The following ADAMTS20 variants were observed in gnomAD, a reference collection of about 807,000 sequenced individuals.
ADAMTS20 encodes A disintegrin and metalloproteinase with thrombospondin motifs 20.
ADAMTS20 carries 225 observed loss-of-function variants against 260.1 expected under a neutral mutation model. The observed-to-expected ratio is 0.87, with a 90% CI of 0.78 to 0.97. The LOEUF is 0.97. Among genes scored for constraint, ADAMTS20 ranks in the 50% least tolerant of loss-of-function variants. The pLI is 0.00. For missense variants in ADAMTS20, 2,400 were observed against 2,337.7 expected, an observed-to-expected ratio of 1.03 and a Z score of -0.55; for synonymous variants, 802 against 769.5, an observed-to-expected ratio of 1.04 and a Z score of -0.70.
intron 3 of ADAMTS20, among the ~76,000 whole-genome samples, chr12:43,517,095 C>T (rs887294931): frequency 9.9e-5 from 15 of 151,722 alleles, no homozygotes; most frequent in African/African-American, 2.4e-4. Context: ...TAAGAAAAAC[C>T]GACAACAAAC....
intron 12 of ADAMTS20, among the ~76,000 whole-genome samples, chr12:43,453,355 C>A (rs1035590372): frequency 6.6e-6 from 1 of 152,144 alleles, no homozygotes; most frequent in Non-Finnish European, 1.5e-5. Context: ...ACAACAAAAA[C>A]ATTAATTTAA....
intron 28 of ADAMTS20, chr12:43,422,722 C>T (rs1481543288): frequency 6.6e-6 from 1 of 151,850 alleles, no homozygotes; most frequent in East Asian, 1.9e-4. Context: ...TCAATGAATT[C>T]CTTTTGGGAT....
intron 7 of ADAMTS20, among the ~76,000 whole-genome samples, chr12:43,472,212 G>A (rs1217202863): frequency 5.3e-5 from 8 of 150,758 alleles, no homozygotes; most frequent in Admixed American, 1.3e-4. Context: ...GAGCCGATGC[G>A]ATCAACTGGA....
intron 3 of ADAMTS20, among the ~76,000 whole-genome samples, chr12:43,521,658 A>G (rs886440148): frequency 5.9e-4 from 90 of 152,212 alleles, no homozygotes; most frequent in African/African-American, 2.1e-3. Flanking sequence ...AAAGCAAATT[A>G]TATAATATCT....
chr12:43,501,481 G>GCGCGCGCACACACACACACA (rs373746834), intron 4 of ADAMTS20, among the ~76,000 whole-genome samples: 103 of 117,834 alleles, frequency 8.7e-4, no homozygotes, highest in South Asian at 1.3e-3. Flanking sequence ...GCGCGCGCGC[G>GCGCGCGCACACACACACACA]CACACACACA....
At chr12:43,485,001 C>T (rs1209559569) in intron 7 of ADAMTS20, among the ~76,000 whole-genome samples, 2 of 149,470 alleles carry the variant, frequency 1.3e-5, no homozygotes, top group Non-Finnish European at 3.0e-5. Flanking sequence ...ATCAATTCTA[C>T]TAAAACTGTT....
At position 43,439,702 on chromosome 12, in the gene ADAMTS20, T is replaced by C. The variant is rs753419164; in HGVS notation, c.2513A>G (p.Asn838Ser). Reference sequence around the variant, plus strand: ...GTCACTCCTCTCTTCCAAAGGGATATTGAAGGAATAATGTACATCAGGGTT... The same window carrying C: ...GTCACTCCTCTCTTCCAAAGGGATACTGAAGGAATAATGTACATCAGGGTT... ...LYNPDVHYSF[N>S]IPLEERSDMF... Residue 838 changes from asparagine (N) to serine (S), a missense_variant, in exon 18 of 39, where the codon AAT (asparagine) becomes AGT (serine). Physicochemically the swap from Asn to Ser is conservative, Grantham distance 46. Transcript: ENST00000389420. The C allele has an allele frequency of 1.2e-6, 2 of 1,613,794 alleles. No homozygotes were observed. The highest frequency in any genetic ancestry group is 2.2e-5 in the South Asian group (2 of 91,064).
chr12:43,410,324 T>C lies in ADAMTS20; in HGVS notation c.4285-11091A>G, dbSNP rs975565381. ...GAAGGAGTCCAAAACAGAGGAAATA[T>C]CTGAGCATTTAGAAAAACCATTCAT... is the stretch of plus-strand genomic sequence containing the variant. On this transcript the variant is annotated intron_variant, in intron 28 of 38. Transcript: ENST00000389420. 3.6e-4 allele frequency among the ~76,000 whole-genome samples: 54 copies of C among 152,064 alleles called. 1 individual carries two copies. The highest frequency in any genetic ancestry group is 3.7e-4 in the Non-Finnish European group (25 of 68,014).
chr12:43,440,568 T>A (rs1273498691), intron 16 of ADAMTS20, among the ~76,000 whole-genome samples: 3 of 152,246 alleles, frequency 2.0e-5, no homozygotes. Context: ...GTTAGGTAAC[T>A]TCAGCACATC....
intron 18 of ADAMTS20, 114 bp downstream of exon 18, chr12:43,439,508 G>A: frequency 8.3e-7 from 1 of 1,210,172 alleles, no homozygotes. Context: ...TATGTCTGTG[G>A]GATATGTGTA....
intron 18 of ADAMTS20, among the ~76,000 whole-genome samples, chr12:43,436,553 C>A (rs1941559660): frequency 6.6e-6 from 1 of 151,784 alleles, no homozygotes; most frequent in Non-Finnish European, 1.5e-5. Flanking sequence ...TTTTTTCATT[C>A]TAAGTCTTCC....
intron 16 of ADAMTS20, among the ~76,000 whole-genome samples, chr12:43,440,880 C>CAG (rs1941650859): frequency 6.6e-6 from 1 of 152,060 alleles, no homozygotes; most frequent in African/African-American, 2.4e-5. Flanking sequence ...CTGGCTAACA[C>CAG]AGTGAAACCC....
In ADAMTS20 at chr12:43,432,638, CA is replaced by C. The variant is rs753317116; in HGVS notation, c.2893del (p.Cys965ValfsTer30). 6.2e-7 allele frequency: 1 copy of C among 1,613,934 alleles called. No individual in the cohort carries two copies. On this transcript the variant is annotated frameshift_variant, in exon 20 of 39. Coordinates refer to ENST00000389420, the MANE Select transcript of ADAMTS20 (RefSeq NM_025003.5). LOFTEE classifies it high-confidence loss of function. ...TGAATAATGCCATCTTGTGAAGACA[CA>C]GTTACCATGGCATAGTTCTTGGGTA... is the stretch of plus-strand genomic sequence containing the variant. ...PPTQELCHGN[C>X]VFTRWHYSEW...
At position 43,428,682 on chromosome 12, in the gene ADAMTS20, C is replaced by A. The variant is rs146789743; in HGVS notation, c.3607G>T (p.Asp1203Tyr). The A allele has an allele frequency of 6.0e-5, 97 of 1,610,646 alleles. No individual in the cohort carries two copies. In the African/African-American group the frequency reaches 1.3e-3, roughly 21 times the overall value. ...CACTCTCCACAAGGGGTAAAACAGT[C>A]CCATATTTCAGCAGGTCGGGGTAAG... ...AHLPRPAEIWDCFTPCGEWQA... is the reference protein window; with the variant it reads ...AHLPRPAEIWYCFTPCGEWQA... The change falls in exon 25 of 39, where the codon GAC becomes TAC. Residue 1203 changes from aspartate (D) to tyrosine (Y), a missense_variant. Physicochemically the swap from Asp to Tyr is radical, Grantham distance 160. Transcript: ENST00000389420.
At chr12:43,454,126 C>T (rs11182086) in intron 11 of ADAMTS20, 74 bp from the exon 12 acceptor site, 134,021 of 1,498,124 alleles carry the variant, frequency 0.089, 9,381 homozygotes, top group East Asian at 0.44. Flanking sequence ...ATAATAGCAG[C>T]ATAAAGATCA....
chr12:43,460,988 A>ATATATATTTTTTTTTTTTTT, intron 11 of ADAMTS20, among the ~76,000 whole-genome samples: 1 of 26,394 alleles, frequency 3.8e-5, no homozygotes, highest in African/African-American at 1.3e-4. Context: ...ATATATATAT[A>ATATATATTTTTTTTTTTTTT]TTTTTTTTTT....
chr12:43,541,877 T>C (rs1943381046), intron 2 of ADAMTS20, among the ~76,000 whole-genome samples: 1 of 152,114 alleles, frequency 6.6e-6, no homozygotes, highest in Non-Finnish European at 1.5e-5. Flanking sequence ...AATGAAACAA[T>C]AAAAGGGAAA....
At chr12:43,441,757 T>C (rs1355966803) in intron 16 of ADAMTS20, among the ~76,000 whole-genome samples, 1 of 152,200 alleles carries the variant, frequency 6.6e-6, no homozygotes, top group Non-Finnish European at 1.5e-5. Context: ...CAGAAAACAT[T>C]TGTTTGGCAT....
intron 29 of ADAMTS20, among the ~76,000 whole-genome samples, chr12:43,384,962 C>T (rs766857776): frequency 5.9e-5 from 9 of 151,980 alleles, no homozygotes; most frequent in Non-Finnish European, 1.3e-4. Flanking sequence ...TAATCCTATG[C>T]ACATATACCA....
Sources: allele counts gnomAD v4.1 joint callset (sites outside exome capture counted in the v4.1 genomes callset), GRCh38; gene constraint gnomAD v4.1.1; transcripts MANE v1.5; gene names NCBI Gene and HGNC (gene_info 2026-07-23, HGNC 2026-07-21).